The following PRDM1 variants were observed in gnomAD, a reference collection of about 807,000 sequenced individuals.
PRDM1 encodes the protein PR/SET domain 1.
Under a neutral mutation model 62.8 loss-of-function variants are expected in PRDM1, and 13 were observed. The ratio of observed to expected loss-of-function variants is 0.21; its 90% CI spans 0.13 to 0.33. The LOEUF (loss-of-function observed/expected upper bound fraction) is 0.33. Ranked by LOEUF, PRDM1 falls within the 10% of genes least tolerant of loss-of-function variation. The probability of loss-of-function intolerance (pLI) is 1.00; values close to 1 mark genes in which losing one functional copy is unlikely to be tolerated. For missense variants in PRDM1, 895 were observed against 1,058.8 expected (o/e 0.85, Z 2.15); for synonymous variants, 396 against 417.6 (o/e 0.95, Z 0.63).
At chr6:106,018,569 G>A (rs1234578257) in intron 1 of PRDM1, among the ~76,000 whole-genome samples, 1 of 152,150 alleles carries the variant, frequency 6.6e-6, no homozygotes, top group Non-Finnish European at 1.5e-5. Context: ...CAGTTTCTCT[G>A]AATTTTCTGG....
At position 106,105,151 on chromosome 6, in the gene PRDM1, T is replaced by C; in HGVS notation, c.991T>C (p.Ser331Pro). The C allele has an allele frequency of 1.2e-6, 2 of 1,612,732 alleles. No individual in the cohort carries two copies. Among genetic ancestry groups the C allele is most frequent in the Non-Finnish European group, 1.7e-6 (2 of 1,179,510 alleles). The change falls in exon 5 of 7, where the codon TCC becomes CCC. Residue 331 changes from serine (S) to proline (P), a missense_variant. By Grantham distance (74) the Ser-to-Pro change is moderately conservative. Transcript: ENST00000369096. Reference sequence around the variant, plus strand: ...GTACATCACTCGCTCCCCCATTCCATCCTCCACCACTCCAAGCCCCTCTGC... The same window carrying C: ...GTACATCACTCGCTCCCCCATTCCACCCTCCACCACTCCAAGCCCCTCTGC... ...PTYITRSPIP[S>P]STTPSPSARS...
intron 1 of PRDM1, among the ~76,000 whole-genome samples, chr6:106,036,162 T>G (rs1436657143): frequency 6.6e-6 from 1 of 152,136 alleles, no homozygotes; most frequent in Non-Finnish European, 1.5e-5. Context: ...TTTTTTGTTT[T>G]TTGTGAGACA....
chr6:106,098,636 T>C, intron 3 of PRDM1: 1 of 1,331,338 alleles, frequency 7.5e-7, no homozygotes, highest in South Asian at 1.2e-5. Context: ...AGTAATAGAC[T>C]GTCAAATTCG....
intron 1 of PRDM1, among the ~76,000 whole-genome samples, chr6:106,051,681 G>T (rs1261082604): frequency 6.6e-6 from 1 of 152,166 alleles, no homozygotes; most frequent in Non-Finnish European, 1.5e-5. Context: ...CCACAACAAG[G>T]CTTGGTTAGG....
At chr6:106,022,896 A>T (rs180993146) in intron 1 of PRDM1, among the ~76,000 whole-genome samples, 205 of 152,302 alleles carry the variant, frequency 1.3e-3, no homozygotes, top group African/African-American at 4.8e-3. Flanking sequence ...TTTCTTATAG[A>T]TTCAATGTCG....
upstream of PRDM1, among the ~76,000 whole-genome samples, chr6:105,992,816 CTG>C (rs1349665763): frequency 4.6e-5 from 7 of 152,354 alleles, no homozygotes; most frequent in East Asian, 7.7e-4. Context: ...TTCCTGGACA[CTG>C]TGCACAATCA....
At chr6:106,089,051 T>C (rs533457850) in intron 2 of PRDM1, among the ~76,000 whole-genome samples, 4 of 152,332 alleles carry the variant, frequency 2.6e-5, no homozygotes, top group Admixed American at 2.6e-4. Context: ...TTGCTGGGGC[T>C]GGGCTGGCAG....
chr6:106,015,535 C>G (rs1263898289), intron 1 of PRDM1, among the ~76,000 whole-genome samples: 1 of 133,460 alleles, frequency 7.5e-6, no homozygotes, highest in African/African-American at 2.8e-5. Context: ...TAAAGAAACA[C>G]TAGAAGAATA....
At chr6:105,998,923 ATATATATATATTTTTTTTTTT>A (rs1432220252) in intron 1 of PRDM1, among the ~76,000 whole-genome samples, 84 of 2,160 alleles carry the variant, frequency 0.039, 3 homozygotes, top group African/African-American at 0.13. Flanking sequence ...ATATATATAT[ATATATATATATTTTTTTTTTT>A]TTTTTTCTTT....
chr6:106,035,960 G>T (rs1473436115), intron 1 of PRDM1, among the ~76,000 whole-genome samples: 1 of 151,954 alleles, frequency 6.6e-6, no homozygotes, highest in South Asian at 2.1e-4. Context: ...TAGAGACAGG[G>T]TTTCACCATG....
chr6:106,012,563 CCA>C (rs1257842200), intron 1 of PRDM1, among the ~76,000 whole-genome samples: 1 of 151,894 alleles, frequency 6.6e-6, no homozygotes, highest in Non-Finnish European at 1.5e-5. Context: ...CCAACACTCC[CCA>C]CACACATCCC....
chr6:106,035,359 T>C (rs979228211), intron 1 of PRDM1, among the ~76,000 whole-genome samples: 17 of 152,174 alleles, frequency 1.1e-4, no homozygotes, highest in African/African-American at 3.9e-4. Flanking sequence ...TGGTGACTCA[T>C]GCCTGTAATC....
chr6:106,103,778 C>T (rs1486202267), intron 4 of PRDM1, among the ~76,000 whole-genome samples: 4 of 152,202 alleles, frequency 2.6e-5, no homozygotes, highest in Non-Finnish European at 5.9e-5. Flanking sequence ...GTGCTTTCCT[C>T]TTAGCCTGTT....
upstream of PRDM1, among the ~76,000 whole-genome samples, chr6:106,082,786 G>C (rs188290119): frequency 7.9e-5 from 12 of 152,264 alleles, no homozygotes; most frequent in Non-Finnish European, 1.3e-4. Flanking sequence ...TTTAGGCCCT[G>C]AATATGTTTG....
In PRDM1 at chr6:106,088,291, G is replaced by C. The variant is rs762587225; in HGVS notation, c.133G>C (p.Asp45His). ...GTMKMDMEDA[D>H]MTLWTEAEFE... Reference sequence around the variant, plus strand: ...CATGAAAATGGACATGGAGGATGCGGATATGACTCTGTGGACAGAGGCTGA... The same window carrying C: ...CATGAAAATGGACATGGAGGATGCGCATATGACTCTGTGGACAGAGGCTGA... The change falls in exon 2 of 7, where the codon GAT becomes CAT. Residue 45 changes from aspartate (D) to histidine (H), a missense_variant. Transcript: ENST00000369096. The C allele has an allele frequency of 1.1e-5, 17 of 1,614,038 alleles. No individual in the cohort carries two copies. Among genetic ancestry groups the C allele is most frequent in the Non-Finnish European group, 4.2e-6 (5 of 1,180,046 alleles).
rs2114659211 is a variant in PRDM1, at chr6:106,106,014, G to A, written c.1773+81G>A. The A allele has an allele frequency of 6.6e-7, 1 of 1,523,618 alleles. No individual in the cohort carries two copies. Among genetic ancestry groups the A allele is most frequent in the South Asian group, 1.3e-5 (1 of 76,396 alleles). The allele number at this position is 1,523,618 out of a possible 1,614,324, so 94.4% of individuals were successfully genotyped here. A position where few individuals can be genotyped will look rare whatever the true frequency, so the allele number is the denominator to read the frequency against. ...TTTAGCTTGCTTTCCATGGGGTATCGATTGCATTTGCAGTAGTATGAGCCC... is the reference window on the plus strand; with the variant it reads ...TTTAGCTTGCTTTCCATGGGGTATCAATTGCATTTGCAGTAGTATGAGCCC... On this transcript the variant is annotated intron_variant, in intron 5 of 6. Coordinates refer to ENST00000369096, the MANE Select transcript of PRDM1 (RefSeq NM_001198.4). The surrounding 1 kb of genome is among the most constrained non-coding windows in gnomAD (Gnocchi z 4.4).
At chr6:106,082,792 G>A (rs1240218203), upstream of PRDM1, among the ~76,000 whole-genome samples, 1 of 152,306 alleles carries the variant, frequency 6.6e-6, no homozygotes, top group Non-Finnish European at 1.5e-5. Flanking sequence ...CCCTGAATAT[G>A]TTTGTCAAAA....
At chr6:106,030,634 C>T (rs1272763806) in intron 1 of PRDM1, among the ~76,000 whole-genome samples, 1 of 152,096 alleles carries the variant, frequency 6.6e-6, no homozygotes, top group Non-Finnish European at 1.5e-5. Context: ...TATTTTCTTA[C>T]ATTTTCTTAT....
Position 106,106,292 on chromosome 6 carries a change from A to G in PRDM1, c.1774-79A>G, listed in dbSNP as rs1774486589. On this transcript the variant is annotated intron_variant, in intron 5 of 6. Transcript: ENST00000369096. The surrounding 1 kb of genome is among the most constrained non-coding windows in gnomAD (Gnocchi z 4.4). Reference sequence around the variant, plus strand: ...TGCTTTTCTTAAGATATTTGCATCAACACTTGAGTCTTGGAGCAGAAATGT... The same window carrying G: ...TGCTTTTCTTAAGATATTTGCATCAGCACTTGAGTCTTGGAGCAGAAATGT... The G allele has an allele frequency of 3.2e-6, 5 of 1,553,526 alleles. No homozygotes were observed. The Admixed American group carries it at 9.1e-5, about 28-fold the overall frequency.
Sources: gnomAD v4.1 joint callset for allele counts (sites outside exome capture counted in the v4.1 genomes callset) on GRCh38, gnomAD v4.1.1 for gene constraint, Gnocchi (gnomAD v3.1) non-coding constraint, MANE v1.5 for transcripts, NCBI Gene and HGNC (gene_info 2026-07-23, HGNC 2026-07-21) for gene names.